Variants in CAMTA1 observed in about 807,000 individuals in gnomAD.
CAMTA1 encodes calmodulin binding transcription activator 1.
CAMTA1 carries 27 observed loss-of-function variants against 170.9 expected under a neutral mutation model. The ratio of observed to expected loss-of-function variants is 0.16; its 90% CI spans 0.12 to 0.22. CAMTA1 has a LOEUF of 0.22. Among genes scored for constraint, CAMTA1 ranks in the 10% least tolerant of loss-of-function variants. The probability of loss-of-function intolerance (pLI) is 1.00; values close to 1 mark genes in which losing one functional copy is unlikely to be tolerated. For missense variants in CAMTA1, 1,619 were observed against 2,217.2 expected, an observed-to-expected ratio of 0.73 and a Z score of 5.42; for synonymous variants, 833 against 891.5, an observed-to-expected ratio of 0.93 and a Z score of 1.17.
chr1:7,069,713 G>T (rs533948899), intron 3 of CAMTA1, among the ~76,000 whole-genome samples: 19 of 152,122 alleles, frequency 1.2e-4, no homozygotes, highest in Non-Finnish European at 2.1e-4. Context: ...GGGAACAGGG[G>T]ACTGGCAGAG....
rs908498624 is a variant in CAMTA1, at chr1:7,006,255, G to A, written c.235-85049G>A. ...TTAAAATCCTGGATGGTAAGATCTG[G>A]TAGGCAGAGAGATTTTTAAGAATAG... On this transcript the variant is annotated intron_variant, in intron 3 of 22. Transcript: ENST00000303635. Among the ~76,000 whole-genome samples, 6 of 152,176 alleles carry A rather than the reference G, an allele frequency of 3.9e-5. No homozygotes were observed. The East Asian group carries it at 9.6e-4, about 24-fold the overall frequency.
intron 4 of CAMTA1, among the ~76,000 whole-genome samples, chr1:7,170,024 T>C (rs968530575): frequency 6.6e-6 from 1 of 152,220 alleles, no homozygotes; most frequent in African/African-American, 2.4e-5. Context: ...TTTCCTGTTT[T>C]GTGAATTCCG....
At chr1:7,654,926 ACACACACAAG>A (rs1202143232) in intron 7 of CAMTA1, among the ~76,000 whole-genome samples, 3 of 147,308 alleles carry the variant, frequency 2.0e-5, no homozygotes, top group African/African-American at 7.6e-5. Flanking sequence ...ACCCATCTAT[ACACACACAAG>A]CACACACCTA....
At chr1:7,714,774 G>A (rs1014987856) in intron 11 of CAMTA1, among the ~76,000 whole-genome samples, 3 of 151,938 alleles carry the variant, frequency 2.0e-5, no homozygotes, top group South Asian at 2.1e-4. Context: ...TTCCCGCCTC[G>A]GCCTCCCAAA....
intron 5 of CAMTA1, among the ~76,000 whole-genome samples, chr1:7,257,904 G>A (rs1667654072): frequency 1.3e-5 from 2 of 152,174 alleles, no homozygotes; most frequent in African/African-American, 4.8e-5. Context: ...AAGTGAGTTG[G>A]TTTATCTCCA....
chr1:7,449,387 G>T (rs1215395396), intron 5 of CAMTA1, among the ~76,000 whole-genome samples: 2 of 152,196 alleles, frequency 1.3e-5, no homozygotes, highest in African/African-American at 2.4e-5. Flanking sequence ...TCCCACCAGG[G>T]TAGGCAAGGA....
intron 5 of CAMTA1, among the ~76,000 whole-genome samples, chr1:7,383,943 G>A (rs1028640919): frequency 1.3e-5 from 2 of 152,142 alleles, no homozygotes; most frequent in African/African-American, 2.4e-5. Flanking sequence ...TTCCAGTATA[G>A]TGGGAGCAAA....
intron 6 of CAMTA1, among the ~76,000 whole-genome samples, chr1:7,628,654 G>T (rs2095649000): frequency 1.3e-5 from 2 of 152,232 alleles, no homozygotes; most frequent in South Asian, 4.1e-4. Flanking sequence ...ACTGTTTGCT[G>T]CCATTGTCAT....
At chr1:7,720,712 T>A (rs1174251109) in intron 11 of CAMTA1, among the ~76,000 whole-genome samples, 1 of 152,184 alleles carries the variant, frequency 6.6e-6, no homozygotes, top group Non-Finnish European at 1.5e-5. Context: ...AGAAACTCAG[T>A]GGCTATAGAA....
At chr1:7,285,722 T>C (rs1287709342) in intron 5 of CAMTA1, among the ~76,000 whole-genome samples, 1 of 152,170 alleles carries the variant, frequency 6.6e-6, no homozygotes, top group Non-Finnish European at 1.5e-5. Context: ...TATCTCTTTA[T>C]TCTAAACCAG....
chr1:7,722,869 T>C (rs2096658727), intron 11 of CAMTA1, among the ~76,000 whole-genome samples: 1 of 151,968 alleles, frequency 6.6e-6, no homozygotes, highest in Non-Finnish European at 1.5e-5. Flanking sequence ...GGAGGATAGC[T>C]TGAGGCCAGG....
At chr1:7,207,962 A>C (rs750298841) in intron 4 of CAMTA1, among the ~76,000 whole-genome samples, 9 of 152,244 alleles carry the variant, frequency 5.9e-5, no homozygotes, top group Non-Finnish European at 1.2e-4. Context: ...TGGTTACAGC[A>C]TATGGGTAAG....
rs752024866 is a variant in CAMTA1 at position 7,671,049 on chromosome 1, GC to G, written c.2779+18del. 5 of 1,611,994 alleles carry G rather than the reference GC, an allele frequency of 3.1e-6. No individual in the cohort carries two copies. The highest frequency in any genetic ancestry group is 4.2e-6 in the Non-Finnish European group (5 of 1,179,546). On this transcript the variant is annotated intron_variant, in intron 10 of 22. Coordinates refer to ENST00000303635, the MANE Select transcript of CAMTA1 (RefSeq NM_015215.4). ...CTGCTACTGCCCAGGTGAGAAAGCC[GC>G]CCCCCAGGCCCCCAAGGTGAGTGTG...
chr1:7,335,487 T>G (rs1318864896), intron 5 of CAMTA1, among the ~76,000 whole-genome samples: 2 of 152,130 alleles, frequency 1.3e-5, no homozygotes, highest in Non-Finnish European at 2.9e-5. Context: ...CCCTGAACAT[T>G]GCCAACTTCC....
chr1:6,842,920 A>G (rs1656461958), intron 3 of CAMTA1, among the ~76,000 whole-genome samples: 1 of 151,722 alleles, frequency 6.6e-6, no homozygotes, highest in Non-Finnish European at 1.5e-5. Flanking sequence ...GCAAGTCTCC[A>G]TCTCAAAAAA....
intron 5 of CAMTA1, among the ~76,000 whole-genome samples, chr1:7,445,379 G>A (rs1295236377): frequency 6.6e-6 from 1 of 151,822 alleles, no homozygotes; most frequent in African/African-American, 2.4e-5. Flanking sequence ...GGTGAGGAAG[G>A]GGAAGCCCAT....
chr1:7,609,432 A>G lies in CAMTA1; in HGVS notation c.511-30968A>G, dbSNP rs2095508745. Among the ~76,000 whole-genome samples, 1 of 152,168 alleles carries G rather than the reference A, an allele frequency of 6.6e-6. No homozygotes were observed. Among genetic ancestry groups the G allele is most frequent in the African/African-American group, 2.4e-5 (1 of 41,458 alleles). On this transcript the variant is annotated intron_variant, in intron 6 of 22. Transcript: ENST00000303635. The surrounding 1 kb of genome is among the most constrained non-coding windows in gnomAD (Gnocchi z 4.4). ...AGGCTCTGCTCAACTTTGGGTGTTA[A>G]CAGCAAATCAAAGCCCCTCAGTGAG...
intron 11 of CAMTA1, among the ~76,000 whole-genome samples, chr1:7,718,216 CGTTCCGTAAACACAGTGGGT>C (rs556405315): frequency 3.6e-4 from 55 of 151,750 alleles, no homozygotes; most frequent in East Asian, 1.2e-3. Context: ...ACACAGTGGG[CGTTCCGTAAACACAGTGGGT>C]GTTCCGTAAA....
At chr1:7,390,071 C>T (rs563408506) in intron 5 of CAMTA1, among the ~76,000 whole-genome samples, 6 of 152,188 alleles carry the variant, frequency 3.9e-5, no homozygotes, top group Non-Finnish European at 5.9e-5. Context: ...CCCTGCCGGA[C>T]GGCTCTGGGT....
Sources: allele counts gnomAD v4.1 joint callset (sites outside exome capture counted in the v4.1 genomes callset), GRCh38; gene constraint gnomAD v4.1.1; non-coding constraint Gnocchi (gnomAD v3.1); transcripts MANE v1.5; gene names NCBI Gene and HGNC (gene_info 2026-07-23, HGNC 2026-07-21).